The following LSAMP variants were observed in gnomAD, a reference collection of about 807,000 sequenced individuals.
LSAMP encodes the protein limbic system-associated membrane protein.
LSAMP carries 7 observed loss-of-function variants against 38.6 expected under a neutral mutation model. The observed-to-expected ratio is 0.18, with a 90% CI of 0.10 to 0.34. The LOEUF is 0.34. Ranked by LOEUF, LSAMP falls within the 10% of genes least tolerant of loss-of-function variation. The pLI, the probability that LSAMP is intolerant of heterozygous loss-of-function variation, is 1.00. For missense variants in LSAMP, 313 were observed against 420.0 expected (o/e 0.75, Z 2.23); for synonymous variants, 154 against 166.8 (o/e 0.92, Z 0.59).
chr3:116,435,493 G>A (rs539252294), intron 1 of LSAMP, among the ~76,000 whole-genome samples: 1 of 150,856 alleles, frequency 6.6e-6, no homozygotes, highest in South Asian at 2.1e-4. Context: ...AGACCTTGTT[G>A]GATATCTCTG....
chr3:116,384,252 T>C (rs11924642), intron 1 of LSAMP, among the ~76,000 whole-genome samples: 46,486 of 151,990 alleles, frequency 0.31, 9,793 homozygotes, highest in African/African-American at 0.6. Flanking sequence ...CGTCTCAATT[T>C]GGGATGAGGT....
At chr3:116,146,477 C>T (rs1487821243) in intron 1 of LSAMP, among the ~76,000 whole-genome samples, 4 of 151,790 alleles carry the variant, frequency 2.6e-5, no homozygotes, top group Admixed American at 2.6e-4. Flanking sequence ...TTTTAGTTGA[C>T]AAAAAGCTCA....
At chr3:116,186,704 C>T (rs1031989559) in intron 1 of LSAMP, among the ~76,000 whole-genome samples, 3 of 152,096 alleles carry the variant, frequency 2.0e-5, no homozygotes, top group Admixed American at 6.6e-5. Context: ...GCTTCTCACA[C>T]GATATAATCT....
At chr3:116,304,106 G>A (rs548248147) in intron 1 of LSAMP, among the ~76,000 whole-genome samples, 2 of 152,250 alleles carry the variant, frequency 1.3e-5, no homozygotes, top group Admixed American at 1.3e-4. Context: ...TTGGTAAGAC[G>A]TTCTCTGCAG....
rs2049489565 is a variant in LSAMP at position 116,444,975 on chromosome 3, C to T, written c.57G>A (p.Leu19=). ...GCAGTCCTGTGGGAAGAAGGCAGAG[C>T]AATCTCAGTAGGACCAGTGGCAACT... The part of the protein sequence containing the change: ...RKQLPLVLLR[L]LCLLPTGLPV... Residue 19 remains leucine (L), a synonymous_variant, in exon 1 of 7, where the codon TTG becomes TTA. Coordinates refer to ENST00000490035, the MANE Select transcript of LSAMP (RefSeq NM_002338.5). The T allele has an allele frequency of 6.2e-7, 1 of 1,613,990 alleles. No homozygotes were observed. Among genetic ancestry groups the T allele is most frequent in the Admixed American group, 1.7e-5 (1 of 59,996 alleles).
intron 3 of LSAMP, among the ~76,000 whole-genome samples, chr3:116,005,905 T>C (rs1236375609): frequency 6.6e-6 from 1 of 152,128 alleles, no homozygotes; most frequent in Non-Finnish European, 1.5e-5. Context: ...CTGGTTCCAG[T>C]TGGTCCTTTG....
chr3:116,073,121 A>C (rs1007788625), intron 2 of LSAMP, among the ~76,000 whole-genome samples: 1 of 152,212 alleles, frequency 6.6e-6, no homozygotes, highest in African/African-American at 2.4e-5. Flanking sequence ...AATTTTCTGC[A>C]TATGGCTAAC....
chr3:116,378,528 G>C (rs1464847379), intron 1 of LSAMP, among the ~76,000 whole-genome samples: 1 of 151,994 alleles, frequency 6.6e-6, no homozygotes, highest in Non-Finnish European at 1.5e-5. Flanking sequence ...GTCATAAAGA[G>C]CTACACTGTA....
intron 2 of LSAMP, among the ~76,000 whole-genome samples, chr3:116,019,966 A>G (rs1940592651): frequency 6.6e-6 from 1 of 152,204 alleles, no homozygotes; most frequent in African/African-American, 2.4e-5. Flanking sequence ...ACATTTATGT[A>G]AATTAATATT....
At chr3:115,909,301 C>T (rs1244912241) in intron 3 of LSAMP, among the ~76,000 whole-genome samples, 1 of 152,196 alleles carries the variant, frequency 6.6e-6, no homozygotes, top group African/African-American at 2.4e-5. Flanking sequence ...TCTGCTAGTT[C>T]TCCATCTAGG....
chr3:116,217,636 C>G (rs1228980613), intron 1 of LSAMP, among the ~76,000 whole-genome samples: 1 of 152,206 alleles, frequency 6.6e-6, no homozygotes, highest in Non-Finnish European at 1.5e-5. Context: ...AATTACTGTG[C>G]TAAACATTTT....
chr3:116,019,755 TAAG>T (rs759751299), intron 2 of LSAMP, 115 bp from the exon 3 acceptor site: 125 of 1,174,624 alleles, frequency 1.1e-4, no homozygotes, highest in Non-Finnish European at 1.5e-4. Flanking sequence ...ATTTCTGTGT[TAAG>T]AAGTAGGATG....
At position 116,274,355 on chromosome 3, in the gene LSAMP, G is replaced by A. The variant is rs909355027; in HGVS notation, c.155+170522C>T. Among the ~76,000 whole-genome samples the A allele has an allele frequency of 5.3e-4, 80 of 152,152 alleles. 1 individual carries two copies. The highest frequency in any genetic ancestry group is 1.8e-3 in the African/African-American group (76 of 41,508). On this transcript the variant is annotated intron_variant, in intron 1 of 6. Transcript: ENST00000490035. ...AAATGACGGGAGCTCTCCAGAGTTGGGAATACAAAAGAAACAATGCTCATA... is the reference window on the plus strand; with the variant it reads ...AAATGACGGGAGCTCTCCAGAGTTGAGAATACAAAAGAAACAATGCTCATA...
At chr3:116,078,474 G>C (rs886878214) in intron 2 of LSAMP, among the ~76,000 whole-genome samples, 1 of 151,718 alleles carries the variant, frequency 6.6e-6, no homozygotes, top group African/African-American at 2.4e-5. Context: ...ACAGGTGCCC[G>C]CCACCAACAC....
chr3:116,193,381 T>A (rs575468555), intron 1 of LSAMP, among the ~76,000 whole-genome samples: 1 of 152,314 alleles, frequency 6.6e-6, no homozygotes, highest in African/African-American at 2.4e-5. Flanking sequence ...TAGACATGAC[T>A]GACAAGCCTT....
At chr3:115,927,271 G>A (rs1018056995) in intron 3 of LSAMP, among the ~76,000 whole-genome samples, 2 of 152,210 alleles carry the variant, frequency 1.3e-5, no homozygotes, top group Non-Finnish European at 2.9e-5. Context: ...ATAAAAGACA[G>A]CAGAATTAAG....
At chr3:116,170,358 C>T (rs565702053) in intron 1 of LSAMP, among the ~76,000 whole-genome samples, 3 of 152,218 alleles carry the variant, frequency 2.0e-5, no homozygotes, top group African/African-American at 4.8e-5. Flanking sequence ...ATAATGTACT[C>T]GCTTTGTGGC....
Position 115,804,896 on chromosome 3 carries a change from G to C in LSAMP, c.*5421C>G, listed in dbSNP as rs1007274282. ...ACATTAGGCTACCAGATAAATAAAA[G>C]GTAGTTATTTCCTAGGGTGACTCAG... On this transcript the variant is annotated 3_prime_UTR_variant, in exon 7 of 7. Coordinates refer to ENST00000490035, the MANE Select transcript of LSAMP (RefSeq NM_002338.5). 1 of 152,082 alleles carries C rather than the reference G, an allele frequency of 6.6e-6. No individual in the cohort carries two copies. Among genetic ancestry groups the C allele is most frequent in the African/African-American group, 2.4e-5 (1 of 41,422 alleles). The allele number at this position is 152,082 out of a possible 1,614,324, so 9.4% of individuals were successfully genotyped here. A position where few individuals can be genotyped will look rare whatever the true frequency, so the allele number is the denominator to read the frequency against.
At chr3:116,089,225 A>C (rs934771298) in intron 1 of LSAMP, among the ~76,000 whole-genome samples, 1 of 152,226 alleles carries the variant, frequency 6.6e-6, no homozygotes, top group Admixed American at 6.5e-5. Context: ...ACAATGTATT[A>C]TGTGGAAATT....
Sources: allele counts gnomAD v4.1 joint callset (sites outside exome capture counted in the v4.1 genomes callset), GRCh38; gene constraint gnomAD v4.1.1; transcripts MANE v1.5; gene names NCBI Gene and HGNC (gene_info 2026-07-23, HGNC 2026-07-21).